MAGI1: variants seen among roughly 807,000 people sequenced by gnomAD.
The protein encoded by MAGI1 is membrane-associated guanylate kinase, WW and PDZ domain-containing protein 1.
MAGI1 carries 58 observed loss-of-function variants against 139.9 expected under a neutral mutation model. That is an observed-to-expected ratio of 0.41 (90% CI 0.34 to 0.52). The LOEUF (loss-of-function observed/expected upper bound fraction) is 0.52, where lower values mean the gene tolerates loss of function less well. Ranked by LOEUF, MAGI1 falls within the 20% of genes least tolerant of loss-of-function variation. MAGI1 has a pLI of 0.12. For synonymous variants in MAGI1, 812 were observed against 737.9 expected (o/e 1.10, Z -1.63); for missense variants, 1,874 against 1,901.6 (o/e 0.99, Z 0.27).
intron 1 of MAGI1, among the ~76,000 whole-genome samples, chr3:65,838,052 AT>A (rs1217646460): frequency 2.0e-5 from 3 of 152,200 alleles, no homozygotes; most frequent in Non-Finnish European, 4.4e-5. Flanking sequence ...GCATTGCAAT[AT>A]TTGTGTATGA....
rs1553654934 is a variant in MAGI1 at position 65,501,475 on chromosome 3, A to AAT, written c.431-7845_431-7844insAT. On this transcript the variant is annotated intron_variant, in intron 2 of 22. Transcript: ENST00000402939. ...TCTCAAAAAAAAAAAAAAAAAAAAA[A>AAT]TTTAAACATATTTGGGTAAAAAGTA... 9.5e-4 allele frequency among the ~76,000 whole-genome samples: 142 copies of AAT among 150,218 alleles called. 2 individuals carry two copies. The highest frequency in any genetic ancestry group is 6.8e-3 in the Middle Eastern group (2 of 292).
At chr3:65,608,773 T>C (rs2082880370) in intron 2 of MAGI1, among the ~76,000 whole-genome samples, 1 of 152,166 alleles carries the variant, frequency 6.6e-6, no homozygotes, top group South Asian at 2.1e-4. Flanking sequence ...ATCCAGCAAT[T>C]CTACTCCTAG....
At chr3:65,751,270 C>T (rs1358894759) in intron 1 of MAGI1, among the ~76,000 whole-genome samples, 1 of 152,206 alleles carries the variant, frequency 6.6e-6, no homozygotes, top group African/African-American at 2.4e-5. Context: ...GGAGGCTTCT[C>T]ATGAAGAAAG....
chr3:65,626,757 T>C (rs1030986853), intron 1 of MAGI1, among the ~76,000 whole-genome samples: 1 of 152,246 alleles, frequency 6.6e-6, no homozygotes, highest in Non-Finnish European at 1.5e-5. Flanking sequence ...CAGAGTTTAC[T>C]ATGCTGCCAG....
chr3:65,723,161 C>T (rs1199889330), intron 1 of MAGI1, among the ~76,000 whole-genome samples: 1 of 152,082 alleles, frequency 6.6e-6, no homozygotes, highest in African/African-American at 2.4e-5. Context: ...CTCAACAAAA[C>T]CTAGATGAAC....
chr3:65,905,912 T>C (rs1382438541), intron 1 of MAGI1, among the ~76,000 whole-genome samples: 1 of 152,206 alleles, frequency 6.6e-6, no homozygotes, highest in Non-Finnish European at 1.5e-5. Context: ...TTGTGGTGCT[T>C]TCCGGATATA....
intron 1 of MAGI1, among the ~76,000 whole-genome samples, chr3:65,750,399 G>GA (rs950954403): frequency 1.3e-5 from 2 of 152,098 alleles, no homozygotes; most frequent in Non-Finnish European, 2.9e-5. Context: ...CTCCCTCTAA[G>GA]AAAAAATCTA....
At chr3:65,463,963 A>C (rs1334273557) in intron 5 of MAGI1, among the ~76,000 whole-genome samples, 1 of 152,170 alleles carries the variant, frequency 6.6e-6, no homozygotes, top group African/African-American at 2.4e-5. Flanking sequence ...CTGTAGGATC[A>C]GTGGTGATAT....
intron 18 of MAGI1, among the ~76,000 whole-genome samples, chr3:65,369,666 G>A (rs774531270): frequency 6.6e-6 from 1 of 152,066 alleles, no homozygotes; most frequent in African/African-American, 2.4e-5. Flanking sequence ...GCGCCACCAT[G>A]CCTGGCTAAT....
intron 1 of MAGI1, among the ~76,000 whole-genome samples, chr3:65,893,228 CTCTT>C (rs1462597183): frequency 6.6e-6 from 1 of 151,918 alleles, no homozygotes; most frequent in Non-Finnish European, 1.5e-5. Flanking sequence ...GTCATTAGTC[CTCTT>C]TCTACCAAGC....
At chr3:65,389,292 C>T (rs1236855756) in intron 14 of MAGI1, among the ~76,000 whole-genome samples, 1 of 152,104 alleles carries the variant, frequency 6.6e-6, no homozygotes, top group East Asian at 1.9e-4. Flanking sequence ...AAATTTGCCG[C>T]CACCAGGGTA....
At chr3:65,595,949 A>T (rs1399388144) in intron 2 of MAGI1, among the ~76,000 whole-genome samples, 1 of 152,190 alleles carries the variant, frequency 6.6e-6, no homozygotes, top group Non-Finnish European at 1.5e-5. Flanking sequence ...CTGTTTGCTC[A>T]GTTGAGAAAT....
At chr3:65,715,629 C>T (rs1182882291) in intron 1 of MAGI1, among the ~76,000 whole-genome samples, 3 of 152,138 alleles carry the variant, frequency 2.0e-5, no homozygotes, top group Non-Finnish European at 4.4e-5. Flanking sequence ...CAAGCACCAC[C>T]GTTTCAGACA....
chr3:65,487,128 C>CT (rs1161117888), intron 3 of MAGI1, among the ~76,000 whole-genome samples: 1 of 152,184 alleles, frequency 6.6e-6, no homozygotes, highest in Non-Finnish European at 1.5e-5. Context: ...TTTTTATTTG[C>CT]TAAATCCAGC....
At chr3:65,641,777 A>G (rs948241640) in intron 1 of MAGI1, among the ~76,000 whole-genome samples, 2 of 152,164 alleles carry the variant, frequency 1.3e-5, no homozygotes, top group African/African-American at 4.8e-5. Flanking sequence ...CTGGGTAGAA[A>G]TTTCATCTAA....
rs1270732397 is a variant in MAGI1, at chr3:65,952,021, A to C, written c.313+85975T>G. Reference sequence around the variant, plus strand: ...ATATCTGAGATTCCTACTGACGACAAAGTCATAAGTATTGCTTCTGTCACT... The same window carrying C: ...ATATCTGAGATTCCTACTGACGACACAGTCATAAGTATTGCTTCTGTCACT... On this transcript the variant is annotated intron_variant, in intron 1 of 22. Transcript: ENST00000402939. 3.3e-5 allele frequency among the ~76,000 whole-genome samples: 5 copies of C among 152,358 alleles called. No homozygotes were observed. In the South Asian group the frequency reaches 8.3e-4, roughly 25 times the overall value.
At chr3:65,952,476 G>T (rs1326050062) in intron 1 of MAGI1, among the ~76,000 whole-genome samples, 1 of 152,162 alleles carries the variant, frequency 6.6e-6, no homozygotes, top group African/African-American at 2.4e-5. Flanking sequence ...CAATTCTTTT[G>T]ATCTAATGAT....
At chr3:65,830,764 C>G (rs2042478875) in intron 1 of MAGI1, among the ~76,000 whole-genome samples, 1 of 152,152 alleles carries the variant, frequency 6.6e-6, no homozygotes, top group South Asian at 2.1e-4. Flanking sequence ...TTGTAATACC[C>G]TCCATGTTTT....
chr3:65,868,285 T>C (rs1343684274), intron 1 of MAGI1, among the ~76,000 whole-genome samples: 1 of 152,192 alleles, frequency 6.6e-6, no homozygotes, highest in Non-Finnish European at 1.5e-5. Flanking sequence ...ATACTCAACA[T>C]GTGTGAGACC....
Sources: gnomAD v4.1 joint callset for allele counts (sites outside exome capture counted in the v4.1 genomes callset) on GRCh38, gnomAD v4.1.1 for gene constraint, MANE v1.5 for transcripts, NCBI Gene and HGNC (gene_info 2026-07-23, HGNC 2026-07-21) for gene names.